LRRC7: variants seen among roughly 807,000 people sequenced by gnomAD.
LRRC7 encodes leucine rich repeat containing 7.
A neutral mutation model predicts 175.7 loss-of-function variants in LRRC7; 23 were observed. The observed-to-expected ratio is 0.13, with a 90% CI of 0.09 to 0.19. The LOEUF is 0.19. Among genes scored for constraint, LRRC7 ranks in the 10% least tolerant of loss-of-function variants. LRRC7 has a pLI of 1.00. For synonymous variants in LRRC7, 685 were observed against 680.9 expected, an observed-to-expected ratio of 1.01 and a Z score of -0.09; for missense variants, 1,354 against 1,904.7, an observed-to-expected ratio of 0.71 and a Z score of 5.38.
chr1:70,135,306 C>T lies in LRRC7; in HGVS notation c.*13419C>T, dbSNP rs1666822200. On this transcript the variant is annotated 3_prime_UTR_variant, in exon 27 of 27. Transcript: ENST00000651989. The stretch of plus-strand genomic sequence containing the variant: ...TGATCATCTCCTCAAAGCACGGGGG[C>T]TTGTGGCTTATTCTTTTCACTTTTT... Among the ~76,000 whole-genome samples, 1 of 152,176 alleles carries T rather than the reference C, an allele frequency of 6.6e-6. No homozygotes were observed. Among genetic ancestry groups the T allele is most frequent in the Admixed American group, 6.5e-5 (1 of 15,284 alleles).
At chr1:69,894,868 G>A (rs778272837) in intron 7 of LRRC7, among the ~76,000 whole-genome samples, 26 of 152,176 alleles carry the variant, frequency 1.7e-4, no homozygotes, top group Non-Finnish European at 1.6e-4. Context: ...TATACAATAT[G>A]AGTAAGTTCC....
At chr1:69,808,624 A>G (rs1215449047) in intron 4 of LRRC7, among the ~76,000 whole-genome samples, 1 of 152,194 alleles carries the variant, frequency 6.6e-6, no homozygotes, top group Non-Finnish European at 1.5e-5. Flanking sequence ...AAAACTGCAC[A>G]ACTACAAGGA....
chr1:70,011,809 A>G lies in LRRC7; in HGVS notation c.1017A>G (p.Leu339=), dbSNP rs1159370480. The G allele has an allele frequency of 1.3e-6, 2 of 1,562,708 alleles. No homozygotes were observed. The highest frequency in any genetic ancestry group is 2.7e-5 in the African/African-American group (2 of 73,804). ...LPNTIGNLSL[L]EEFDCSCNEL... is the part of the protein sequence containing the mutation. ...TTTAACTTTTCAGTTTATCTTTATTAGAAGAATTTGACTGTAGCTGTAATG... is the reference window on the plus strand; with the variant it reads ...TTTAACTTTTCAGTTTATCTTTATTGGAAGAATTTGACTGTAGCTGTAATG... The change falls in exon 12 of 27, where the codon TTA becomes TTG. Residue 339 remains leucine (L), a synonymous_variant. Transcript: ENST00000651989.
At chr1:69,998,494 G>C (rs1264833915) in intron 11 of LRRC7, among the ~76,000 whole-genome samples, 1 of 152,056 alleles carries the variant, frequency 6.6e-6, no homozygotes, top group Admixed American at 6.6e-5. Flanking sequence ...CCAGTATAGA[G>C]CAAAGAGAAC....
Position 70,137,917 on chromosome 1 carries a change from C to T in LRRC7, c.*16030C>T, listed in dbSNP as rs1666931937. Among the ~76,000 whole-genome samples, 1 of 152,182 alleles carries T rather than the reference C, an allele frequency of 6.6e-6. No homozygotes were observed. The highest frequency in any genetic ancestry group is 1.5e-5 in the Non-Finnish European group (1 of 68,028). ...AAGAGAATATTAATAGTCCATATGG[C>T]TTTATTTCCAACAAAATCCCAGAGT... is the stretch of plus-strand genomic sequence containing the variant. On this transcript the variant is annotated 3_prime_UTR_variant, in exon 27 of 27. Transcript: ENST00000651989.
intron 11 of LRRC7, among the ~76,000 whole-genome samples, chr1:69,997,713 G>A (rs1399222308): frequency 6.7e-6 from 1 of 148,928 alleles, no homozygotes; most frequent in African/African-American, 2.5e-5. Context: ...TTATTGATTT[G>A]CATATATTGA....
intron 25 of LRRC7, among the ~76,000 whole-genome samples, chr1:70,092,896 C>G (rs1221725000): frequency 6.6e-6 from 1 of 152,098 alleles, no homozygotes; most frequent in Non-Finnish European, 1.5e-5. Context: ...AAACTTAACT[C>G]CCCTTCAAGA....
intron 3 of LRRC7, among the ~76,000 whole-genome samples, chr1:69,791,711 T>A (rs1475437200): frequency 6.6e-6 from 1 of 151,898 alleles, no homozygotes; most frequent in Non-Finnish European, 1.5e-5. Flanking sequence ...GCTGTCAGAA[T>A]AGAAAAGAAG....
intron 5 of LRRC7, among the ~76,000 whole-genome samples, chr1:69,829,612 A>AATG (rs1680311447): frequency 7.1e-5 from 2 of 28,058 alleles, no homozygotes; most frequent in Non-Finnish European, 1.5e-4. Flanking sequence ...ATAAGCAATT[A>AATG]AAGTATTTAC....
intron 2 of LRRC7, among the ~76,000 whole-genome samples, chr1:69,680,333 A>C (rs1660318970): frequency 6.6e-6 from 1 of 152,124 alleles, no homozygotes; most frequent in Non-Finnish European, 1.5e-5. Context: ...ACAAAAGAGG[A>C]ATAATCATTG....
chr1:69,922,070 C>T (rs1646906092), intron 7 of LRRC7, among the ~76,000 whole-genome samples: 1 of 150,780 alleles, frequency 6.6e-6, no homozygotes, highest in Admixed American at 6.6e-5. Context: ...GGATTATAGG[C>T]ACCTGCCATC....
At position 69,717,943 on chromosome 1, in the gene LRRC7, A is replaced by AAAAAGAAAG. The variant is rs1557642190; in HGVS notation, c.100+39465_100+39466insAAAAGAAAG. Among the ~76,000 whole-genome samples the AAAAAGAAAG allele has an allele frequency of 6.6e-5, 4 of 60,992 alleles. No homozygotes were observed. In the East Asian group the frequency reaches 1.5e-3, roughly 22 times the overall value. The allele number at this position is 60,992 out of a possible 152,430, so 40.0% of individuals were successfully genotyped here. On this transcript the variant is annotated intron_variant, in intron 2 of 26. Coordinates refer to ENST00000651989, the MANE Select transcript of LRRC7 (RefSeq NM_001370785.2). Reference sequence around the variant, plus strand: ...AGAAAAAAAGAAAAGAAAGAAAGAAAGAAAGAAAGAAAGAAGAAAAAGAAA... The same window carrying AAAAAGAAAG: ...AGAAAAAAAGAAAAGAAAGAAAGAAAAAAAGAAAGGAAAGAAAGAAAGAAGAAAAAGAAA...
At chr1:70,084,205 G>C (rs1297877493) in intron 24 of LRRC7, among the ~76,000 whole-genome samples, 1 of 151,926 alleles carries the variant, frequency 6.6e-6, no homozygotes, top group African/African-American at 2.4e-5. Context: ...TGCTTAAAGT[G>C]TATAATTTAT....
intron 8 of LRRC7, among the ~76,000 whole-genome samples, chr1:69,961,730 G>A (rs1651108046): frequency 6.6e-6 from 1 of 152,166 alleles, no homozygotes; most frequent in Non-Finnish European, 1.5e-5. Context: ...AACAAGCAAT[G>A]GGAAAAGGAT....
chr1:70,017,956 C>G (rs763829913), intron 14 of LRRC7, among the ~76,000 whole-genome samples: 1 of 152,046 alleles, frequency 6.6e-6, no homozygotes, highest in Non-Finnish European at 1.5e-5. Context: ...CATCATTTAA[C>G]TTTTATTTAG....
intron 2 of LRRC7, among the ~76,000 whole-genome samples, chr1:69,704,592 G>C (rs986322330): frequency 2.6e-5 from 4 of 151,588 alleles, no homozygotes; most frequent in African/African-American, 9.7e-5. Flanking sequence ...TAGTATTTTA[G>C]TATGTTTACA....
intron 4 of LRRC7, among the ~76,000 whole-genome samples, chr1:69,811,945 A>G (rs1177534394): frequency 6.6e-6 from 1 of 152,090 alleles, no homozygotes; most frequent in East Asian, 1.9e-4. Context: ...AAAGAGTACA[A>G]AGACTATGAA....
At chr1:69,766,761 T>C (rs1417443) in intron 3 of LRRC7, among the ~76,000 whole-genome samples, 123,968 of 152,088 alleles carry the variant, frequency 0.82, 50,752 homozygotes, top group East Asian at 0.93. Flanking sequence ...TCATATATGA[T>C]TTTTATTATT....
At chr1:69,873,298 C>G (rs568671867) in intron 7 of LRRC7, among the ~76,000 whole-genome samples, 1 of 152,214 alleles carries the variant, frequency 6.6e-6, no homozygotes, top group African/African-American at 2.4e-5. Context: ...AATCCTAGAA[C>G]TATGCCTCTT....
Sources: allele counts gnomAD v4.1 joint callset (sites outside exome capture counted in the v4.1 genomes callset), GRCh38; gene constraint gnomAD v4.1.1; transcripts MANE v1.5; gene names NCBI Gene and HGNC (gene_info 2026-07-23, HGNC 2026-07-21).